IZUMO2: variants seen among roughly 807,000 people sequenced by gnomAD.
IZUMO2 encodes izumo sperm-egg fusion protein 2.
In IZUMO2, 24 loss-of-function variants were observed where a neutral mutation model predicts 31.2. The ratio of observed to expected loss-of-function variants is 0.77; its 90% CI spans 0.56 to 1.08. The LOEUF (loss-of-function observed/expected upper bound fraction) is 1.08, where lower values mean the gene tolerates loss of function less well. IZUMO2 is among the 50% of genes least tolerant of loss of function. The pLI, the probability that IZUMO2 is intolerant of heterozygous loss-of-function variation, is 0.00. For synonymous variants in IZUMO2, 144 were observed against 117.3 expected (o/e 1.23, Z -1.47); for missense variants, 278 against 274.0 (o/e 1.01, Z -0.10).
intron 2 of IZUMO2, among the ~76,000 whole-genome samples, chr19:50,161,415 C>T (rs1439316086): frequency 1.3e-5 from 2 of 152,170 alleles, no homozygotes; most frequent in Non-Finnish European, 2.9e-5. Context: ...AGCCACTGTG[C>T]CCGGCTGACG....
At chr19:50,157,910 T>TCAA (rs1262838532) in intron 5 of IZUMO2, among the ~76,000 whole-genome samples, 17 of 110,822 alleles carry the variant, frequency 1.5e-4, no homozygotes, top group African/African-American at 5.3e-4. Flanking sequence ...AGAATCCATA[T>TCAA]AAAAAAAAAA....
intron 6 of IZUMO2, among the ~76,000 whole-genome samples, chr19:50,153,400 T>TAC (rs2030091155): frequency 6.6e-6 from 1 of 152,136 alleles, no homozygotes; most frequent in Non-Finnish European, 1.5e-5. Flanking sequence ...AGGAAATGAA[T>TAC]ACACAGGGAG....
Position 50,163,034 on chromosome 19 carries a change from C to G in IZUMO2, c.161G>C (p.Gly54Ala), listed in dbSNP as rs572287515. ...CCCCTCCATGCCCATCAGCACGGCC[C>G]CGGCGCGCGCCTGCAGCTGCTCCAA... ...FQLEQLQARA[G>A]AVLMGMEGPF... The change falls in exon 1 of 7, where the codon GGG (glycine) becomes GCG (alanine). Residue 54 changes from glycine to alanine, a missense_variant. Coordinates refer to ENST00000293405, the MANE Select transcript of IZUMO2 (RefSeq NM_152358.3). 1 of 1,612,832 alleles carries G rather than the reference C, an allele frequency of 6.2e-7. No homozygotes were observed. Among genetic ancestry groups the G allele is most frequent in the South Asian group, 1.1e-5 (1 of 91,000 alleles).
intron 5 of IZUMO2, among the ~76,000 whole-genome samples, chr19:50,157,976 C>T (rs573601376): frequency 6.6e-6 from 1 of 151,524 alleles, no homozygotes; most frequent in Non-Finnish European, 1.5e-5. Flanking sequence ...GAATTCAGCA[C>T]ATCCTTCCAA....
intron 2 of IZUMO2, chr19:50,159,849 CTT>C: frequency 1.1e-5 from 3 of 278,494 alleles, no homozygotes; most frequent in Non-Finnish European, 6.8e-6. Flanking sequence ...TTCTCCTCTT[CTT>C]TTTTTTTTCT....
chr19:50,153,876 G>T (rs1231575438), intron 6 of IZUMO2: 1 of 151,494 alleles, frequency 6.6e-6, no homozygotes, highest in Non-Finnish European at 1.5e-5. Flanking sequence ...GGAGGTGATG[G>T]CATTACTCCC....
intron 2 of IZUMO2, among the ~76,000 whole-genome samples, chr19:50,162,520 C>G (rs970978184): frequency 6.6e-6 from 1 of 151,830 alleles, no homozygotes; most frequent in African/African-American, 2.4e-5. Context: ...GAGGCTGAGG[C>G]GGCAGGATCG....
chr19:50,154,597 C>A lies in IZUMO2; in HGVS notation c.623+3G>T. 1 of 1,613,844 alleles carries A rather than the reference C, an allele frequency of 6.2e-7. No individual in the cohort carries two copies. Among genetic ancestry groups the A allele is most frequent in the African/African-American group, 1.3e-5 (1 of 74,980 alleles). Reference sequence around the variant, plus strand: ...GACTGAGGAGGGGGCAAGGATGACTCACGAGACCACGATGACCACGAAGAC... The same window carrying A: ...GACTGAGGAGGGGGCAAGGATGACTAACGAGACCACGATGACCACGAAGAC... On this transcript the variant is annotated splice_donor_region_variant and intron_variant, in intron 6 of 6. Transcript: ENST00000293405.
At chr19:50,152,881 C>T (rs538924045) in intron 6 of IZUMO2, among the ~76,000 whole-genome samples, 2 of 152,048 alleles carry the variant, frequency 1.3e-5, no homozygotes, top group Non-Finnish European at 2.9e-5. Context: ...AATGTGGGAA[C>T]AGAAAGAGTC....
At position 50,159,479 on chromosome 19, in the gene IZUMO2, A is replaced by C; in HGVS notation, c.394+15T>G. 1.3e-6 allele frequency: 2 copies of C among 1,567,986 alleles called. No homozygotes were observed. Among genetic ancestry groups the C allele is most frequent in the Non-Finnish European group, 1.8e-6 (2 of 1,138,558 alleles). On this transcript the variant is annotated intron_variant, in intron 3 of 6. Transcript: ENST00000293405. ...GGAGAAGAGGAGAGGGGATTGGTGG[A>C]GAGATATGCTGCACCTTTTAATTCA... is the stretch of plus-strand genomic sequence containing the variant.
intron 3 of IZUMO2, 44 bp from the exon 4 acceptor site, chr19:50,159,294 C>T: frequency 2.5e-6 from 4 of 1,601,442 alleles, no homozygotes; most frequent in East Asian, 2.2e-5. Flanking sequence ...GGGATGGCAA[C>T]TTGATAATTT....
intron 1 of IZUMO2, 59 bp from the exon 2 acceptor site, chr19:50,162,872 C>G (rs1342533940): frequency 1.2e-6 from 2 of 1,602,270 alleles, no homozygotes; most frequent in Non-Finnish European, 1.7e-6. Context: ...AGTGACCTCA[C>G]CCCCTCCAGG....
At position 50,163,043 on chromosome 19, in the gene IZUMO2, G is replaced by C; in HGVS notation, c.152C>G (p.Ala51Gly). The C allele has an allele frequency of 6.2e-7, 1 of 1,612,846 alleles. No individual in the cohort carries two copies. ...GCCCATCAGCACGGCCCCGGCGCGC[G>C]CCTGCAGCTGCTCCAACTGGAAGCG... ...PSRFQLEQLQ[A>G]RAGAVLMGME... Residue 51 changes from alanine to glycine, a missense_variant, in exon 1 of 7, where the codon GCG becomes GGG. Physicochemically the swap from Ala to Gly is moderately conservative, Grantham distance 60. Transcript: ENST00000293405.
rs763797370 is a variant in IZUMO2 at position 50,162,810 on chromosome 19, GTC to G, written c.234_235del (p.Glu78AspfsTer21). On this transcript the variant is annotated frameshift_variant and splice_region_variant, in exon 2 of 7. Coordinates refer to ENST00000293405, the MANE Select transcript of IZUMO2 (RefSeq NM_152358.3). LOFTEE classifies it high-confidence loss of function. ...GGACGCCACAAGGTCCAGTTGATTT[GTC>G]TCTGGGGGGAGAAGGGAGAGGACAC... 1 of 1,613,576 alleles carries G rather than the reference GTC, an allele frequency of 6.2e-7. No individual in the cohort carries two copies. The highest frequency in any genetic ancestry group is 8.5e-7 in the Non-Finnish European group (1 of 1,179,830).
At chr19:50,156,285 C>T (rs1405347985) in intron 5 of IZUMO2, among the ~76,000 whole-genome samples, 1 of 152,080 alleles carries the variant, frequency 6.6e-6, no homozygotes, top group Admixed American at 6.6e-5. Context: ...TCTGGTGGAT[C>T]GAAGCTAGGG....
At chr19:50,159,623 A>C (rs149379003) in intron 2 of IZUMO2, 43 bp from the exon 3 acceptor site, 2 of 1,209,344 alleles carry the variant, frequency 1.7e-6, no homozygotes, top group East Asian at 4.6e-5. Flanking sequence ...AGGCACCCAG[A>C]AAGCCCACCC....
intron 2 of IZUMO2, among the ~76,000 whole-genome samples, chr19:50,162,530 G>C (rs895695469): frequency 1.3e-5 from 2 of 152,084 alleles, no homozygotes; most frequent in Admixed American, 6.6e-5. Context: ...CGGCAGGATC[G>C]CTGGAGCCCT....
intron 2 of IZUMO2, among the ~76,000 whole-genome samples, 196 bp from the exon 3 acceptor site, chr19:50,159,776 C>T (rs2030334723): frequency 6.6e-6 from 1 of 152,124 alleles, no homozygotes; most frequent in Non-Finnish European, 1.5e-5. Context: ...CACCGTGGGG[C>T]CTAGGCAAAG....
chr19:50,163,009 C>A lies in IZUMO2; in HGVS notation c.186G>T (p.Gly62=). 1 of 1,610,730 alleles carries A rather than the reference C, an allele frequency of 6.2e-7. No individual in the cohort carries two copies. The highest frequency in any genetic ancestry group is 8.5e-7 in the Non-Finnish European group (1 of 1,178,174). ...TCAGCGCGTAGTCCCGGAAGAAAGGCCCCTCCATGCCCATCAGCACGGCCC... is the reference window on the plus strand; with the variant it reads ...TCAGCGCGTAGTCCCGGAAGAAAGGACCCTCCATGCCCATCAGCACGGCCC... ...RAGAVLMGME[G]PFFRDYALNV... Residue 62 remains glycine (G), a synonymous_variant, in exon 1 of 7, where the codon GGG becomes GGT. Coordinates refer to ENST00000293405, the MANE Select transcript of IZUMO2 (RefSeq NM_152358.3).
Sources: allele counts gnomAD v4.1 joint callset (sites outside exome capture counted in the v4.1 genomes callset), GRCh38; gene constraint gnomAD v4.1.1; transcripts MANE v1.5; gene names NCBI Gene and HGNC (gene_info 2026-07-23, HGNC 2026-07-21).